Variants in PCDH17 observed in about 807,000 individuals in gnomAD.
PCDH17 encodes the protein protocadherin 17, also known as protocadherin-17.
A neutral mutation model predicts 67.7 loss-of-function variants in PCDH17; 21 were observed. That is an observed-to-expected ratio of 0.31 (90% confidence interval 0.22 to 0.45). The LOEUF (loss-of-function observed/expected upper bound fraction) is 0.45, where lower values mean the gene tolerates loss of function less well. PCDH17 is among the 20% of genes least tolerant of loss of function. The probability of loss-of-function intolerance (pLI) is 1.00; values close to 1 mark genes in which losing one functional copy is unlikely to be tolerated. For missense variants in PCDH17, 1,471 were observed against 1,564.8 expected (o/e 0.94, Z 1.01); for synonymous variants, 701 against 656.7 (o/e 1.07, Z -1.03).
chr13:57,711,961 A>G (rs1329724383), intron 3 of PCDH17, among the ~76,000 whole-genome samples: 2 of 151,542 alleles, frequency 1.3e-5, no homozygotes, highest in Non-Finnish European at 3.0e-5. Flanking sequence ...ATGTGCAGAT[A>G]TATTTATTTT....
At chr13:57,707,362 T>TGA (rs1333858234) in intron 3 of PCDH17, among the ~76,000 whole-genome samples, 2 of 151,808 alleles carry the variant, frequency 1.3e-5, no homozygotes, top group African/African-American at 4.8e-5. Context: ...TGTGTGTGTG[T>TGA]GTGTGTGTGT....
intron 3 of PCDH17, among the ~76,000 whole-genome samples, chr13:57,710,823 G>C (rs1022842911): frequency 6.6e-6 from 1 of 151,902 alleles, no homozygotes; most frequent in Non-Finnish European, 1.5e-5. Context: ...AAAGAGACAA[G>C]GTTGCTTTAT....
chr13:57,652,061 G>C (rs907934412), intron 1 of PCDH17, among the ~76,000 whole-genome samples: 1 of 151,886 alleles, frequency 6.6e-6, no homozygotes, highest in Non-Finnish European at 1.5e-5. Flanking sequence ...GGTGGATCAT[G>C]AGGTCAGGAG....
rs1166347188 is a variant in PCDH17, at chr13:57,641,587, A to AATATATAT, written c.2565+6505_2565+6512dup. 6.9e-3 allele frequency among the ~76,000 whole-genome samples: 143 copies of AATATATAT among 20,578 alleles called. 2 individuals are homozygous for AATATATAT. Among genetic ancestry groups the AATATATAT allele is most frequent in the South Asian group, 0.026 (7 of 274 alleles). The allele number at this position is 20,578 out of a possible 152,430, so 13.5% of individuals were successfully genotyped here. On this transcript the variant is annotated intron_variant, in intron 1 of 3. Coordinates refer to ENST00000377918, the MANE Select transcript of PCDH17 (RefSeq NM_001040429.3). ...AAAAAAAAAAAAAAAAAAAAAAAAA[A>AATATATAT]ATATATATATATATATATATATATA...
In PCDH17 at chr13:57,702,935, C is replaced by G. The variant is rs549797030; in HGVS notation, c.2798-21677C>G. Among the ~76,000 whole-genome samples, 16 of 152,284 alleles carry G rather than the reference C, an allele frequency of 1.1e-4. No homozygotes were observed. In the South Asian group the frequency reaches 3.3e-3, roughly 32 times the overall value. The stretch of plus-strand genomic sequence containing the variant: ...GATTCTGACCTTTCTGCCTATCTCT[C>G]TGCAAAAGTATGTAAGTGTTTGTAA... On this transcript the variant is annotated intron_variant, in intron 3 of 3. Coordinates refer to ENST00000377918, the MANE Select transcript of PCDH17 (RefSeq NM_001040429.3).
At chr13:57,689,194 A>G (rs1320007719) in intron 3 of PCDH17, among the ~76,000 whole-genome samples, 1 of 152,108 alleles carries the variant, frequency 6.6e-6, no homozygotes, top group Non-Finnish European at 1.5e-5. Context: ...ACATTGTAGA[A>G]GGGGTAGACA....
At position 57,729,159 on chromosome 13, in the gene PCDH17, A is replaced by G. The variant is rs770508405; in HGVS notation, c.*3865A>G. The G allele has an allele frequency of 3.9e-5, 6 of 152,130 alleles. No individual in the cohort carries two copies. Among genetic ancestry groups the G allele is most frequent in the Admixed American group, 1.3e-4 (2 of 15,258 alleles). 9.4% of individuals were successfully genotyped at this position (152,130 alleles called of 1,614,324 possible). A position where few individuals can be genotyped will look rare whatever the true frequency, so the allele number is the denominator to read the frequency against. ...TCCATTATCAGCCCATCACTCCATAAAGTTCTTAGCTGCACCAAGTGATTG... is the reference window on the plus strand; with the variant it reads ...TCCATTATCAGCCCATCACTCCATAGAGTTCTTAGCTGCACCAAGTGATTG... On this transcript the variant is annotated 3_prime_UTR_variant, in exon 4 of 4. Transcript: ENST00000377918.
At chr13:57,723,228 G>T (rs968550884) in intron 3 of PCDH17, among the ~76,000 whole-genome samples, 11 of 151,470 alleles carry the variant, frequency 7.3e-5, no homozygotes, top group African/African-American at 2.4e-4. Context: ...AAATAACATA[G>T]TATCTTTGTT....
intron 3 of PCDH17, among the ~76,000 whole-genome samples, chr13:57,677,852 T>A (rs1955409636): frequency 6.6e-6 from 1 of 151,726 alleles, no homozygotes; most frequent in Non-Finnish European, 1.5e-5. Context: ...AAAATACTGA[T>A]CTCATAGAAG....
intron 3 of PCDH17, among the ~76,000 whole-genome samples, chr13:57,685,815 G>A (rs1955500579): frequency 6.6e-6 from 1 of 151,980 alleles, no homozygotes; most frequent in Non-Finnish European, 1.5e-5. Flanking sequence ...GCCAGGAACA[G>A]TGGCTTTTGC....
Position 57,666,455 on chromosome 13 carries a change from T to C in PCDH17, c.2566-13T>C. On this transcript the variant is annotated splice_polypyrimidine_tract_variant and intron_variant, in intron 1 of 3. Coordinates refer to ENST00000377918, the MANE Select transcript of PCDH17 (RefSeq NM_001040429.3). The stretch of plus-strand genomic sequence containing the variant: ...TGTACAACTATACGTATTTTTTTCC[T>C]TCTCTTTCACAGACAGACAATTTTC... 6.2e-7 allele frequency: 1 copy of C among 1,611,016 alleles called. No homozygotes were observed. Among genetic ancestry groups the C allele is most frequent in the African/African-American group, 1.3e-5 (1 of 74,986 alleles).
chr13:57,679,360 C>A (rs1468756203), intron 3 of PCDH17, among the ~76,000 whole-genome samples: 21 of 144,344 alleles, frequency 1.5e-4, no homozygotes, highest in Admixed American at 1.4e-4. Context: ...AGACTGAATA[C>A]AAAAAAAAAA....
intron 1 of PCDH17, among the ~76,000 whole-genome samples, chr13:57,637,040 G>A (rs1954832238): frequency 1.3e-5 from 2 of 152,034 alleles, no homozygotes; most frequent in Admixed American, 6.6e-5. Context: ...CTTGAAGGTG[G>A]TCATTGCTTA....
chr13:57,653,330 G>A (rs957804995), intron 1 of PCDH17, among the ~76,000 whole-genome samples: 3 of 151,978 alleles, frequency 2.0e-5, no homozygotes, highest in African/African-American at 2.4e-5. Flanking sequence ...GTATGACCTC[G>A]TATTAGAAAC....
intron 3 of PCDH17, among the ~76,000 whole-genome samples, chr13:57,716,166 G>A (rs996859655): frequency 1.3e-5 from 2 of 151,752 alleles, no homozygotes; most frequent in Non-Finnish European, 2.9e-5. Flanking sequence ...TTACCCTATA[G>A]CTCATCCCAA....
At chr13:57,646,237 T>G (rs994639329) in intron 1 of PCDH17, among the ~76,000 whole-genome samples, 12 of 151,616 alleles carry the variant, frequency 7.9e-5, no homozygotes, top group Non-Finnish European at 1.8e-4. Context: ...TTTATGCAAA[T>G]ATTGAGTAAA....
Position 57,633,443 on chromosome 13 carries a change from G to A in PCDH17, c.897G>A (p.Lys299=). Residue 299 remains lysine, a synonymous_variant, in exon 1 of 4, where the codon AAG becomes AAA. Transcript: ENST00000377918. The surrounding 1 kb of genome is among the most constrained non-coding windows in gnomAD (Gnocchi z 6.2). ...GGGAGCTCTTCTCCATCGACCCCAA[G>A]ACCGGCCTAATCCGTGTGAAGGGCA... ...RVRELFSIDP[K]TGLIRVKGNL... is the part of the protein sequence containing the mutation. The A allele has an allele frequency of 6.2e-7, 1 of 1,613,642 alleles. No individual in the cohort carries two copies. The highest frequency in any genetic ancestry group is 8.5e-7 in the Non-Finnish European group (1 of 1,180,026).
At chr13:57,693,315 C>CATATATATATGT (rs373915196) in intron 3 of PCDH17, among the ~76,000 whole-genome samples, 1 of 89,360 alleles carries the variant, frequency 1.1e-5, no homozygotes, top group East Asian at 3.0e-4. Context: ...CACTTACATT[C>CATATATATATGT]ATATATATAT....
At chr13:57,648,066 A>G (rs1954987518) in intron 1 of PCDH17, among the ~76,000 whole-genome samples, 1 of 151,948 alleles carries the variant, frequency 6.6e-6, no homozygotes, top group Admixed American at 6.6e-5. Context: ...TTAAATATCC[A>G]TTATTTAACT....
Sources: allele counts gnomAD v4.1 joint callset (sites outside exome capture counted in the v4.1 genomes callset), GRCh38; gene constraint gnomAD v4.1.1; non-coding constraint Gnocchi (gnomAD v3.1); transcripts MANE v1.5; gene names NCBI Gene and HGNC (gene_info 2026-07-23, HGNC 2026-07-21).